The following MYLK3 variants were observed in gnomAD, a reference collection of about 807,000 sequenced individuals.
The protein encoded by MYLK3 is MLC kinase.
Under a neutral mutation model 76.3 loss-of-function variants are expected in MYLK3, and 55 were observed. That is an observed-to-expected ratio of 0.72 (90% confidence interval 0.58 to 0.90). The LOEUF (loss-of-function observed/expected upper bound fraction) is 0.90. Ranked by LOEUF, MYLK3 falls within the 40% of genes least tolerant of loss-of-function variation. The pLI is 0.00. For missense variants in MYLK3, 973 were observed against 1,053.6 expected, an observed-to-expected ratio of 0.92 and a Z score of 1.06; for synonymous variants, 416 against 425.4, an observed-to-expected ratio of 0.98 and a Z score of 0.27.
At chr16:46,736,512 C>G (rs548741044) in intron 3 of MYLK3, among the ~76,000 whole-genome samples, 1 of 152,322 alleles carries the variant, frequency 6.6e-6, no homozygotes, top group African/African-American at 2.4e-5. Flanking sequence ...CTGTCAGAAT[C>G]TTTTGAGGCC....
At chr16:46,748,376 C>T, upstream of MYLK3, 8 of 1,174,564 alleles carry the variant, frequency 6.8e-6, no homozygotes, top group Non-Finnish European at 9.2e-6. This position sits in a 1 kb window ranked among gnomAD's most constrained non-coding sequence, Gnocchi z 4.3. Flanking sequence ...TCTTCCTGTG[C>T]CTTTGCTTTG....
At chr16:46,730,912 C>A (rs570119970) in intron 4 of MYLK3, among the ~76,000 whole-genome samples, 1 of 152,360 alleles carries the variant, frequency 6.6e-6, no homozygotes, top group Non-Finnish European at 1.5e-5. Context: ...GGTCTCCCGG[C>A]ACCCAGGACA....
At chr16:46,738,487 T>C (rs558077474) in intron 2 of MYLK3, among the ~76,000 whole-genome samples, 4 of 152,232 alleles carry the variant, frequency 2.6e-5, no homozygotes, top group African/African-American at 9.6e-5. Context: ...TTGAGCACAG[T>C]AGATAGAGGC....
At chr16:46,756,341 G>A (rs1364345966) in intron 1 of MYLK3, among the ~76,000 whole-genome samples, 1 of 152,222 alleles carries the variant, frequency 6.6e-6, no homozygotes, top group Admixed American at 6.5e-5. Flanking sequence ...GGGTGAGGGA[G>A]GGAAAGTGGG....
chr16:46,732,089 G>T, intron 4 of MYLK3, 119 bp downstream of exon 4: 2 of 848,772 alleles, frequency 2.4e-6, no homozygotes, highest in Non-Finnish European at 3.5e-6. Context: ...CCCGACTCTT[G>T]GACGCCCCCA....
At chr16:46,713,597 A>C (rs752057250) in intron 9 of MYLK3, among the ~76,000 whole-genome samples, 11 of 152,354 alleles carry the variant, frequency 7.2e-5, no homozygotes, top group Non-Finnish European at 1.5e-4. Flanking sequence ...TGTGGTGAGA[A>C]CACTTAAAAT....
At chr16:46,719,923 A>C (rs1345064714) in intron 9 of MYLK3, among the ~76,000 whole-genome samples, 1 of 152,208 alleles carries the variant, frequency 6.6e-6, no homozygotes, top group Non-Finnish European at 1.5e-5. Flanking sequence ...CACGCCTGTA[A>C]TCCCAGTACT....
At chr16:46,755,413 G>A (rs1351897803) in intron 1 of MYLK3, among the ~76,000 whole-genome samples, 1 of 151,166 alleles carries the variant, frequency 6.6e-6, no homozygotes, top group Admixed American at 6.6e-5. Flanking sequence ...AGCCGAGATT[G>A]CGCCATTGCA....
At chr16:46,729,442 G>A (rs1966848201) in intron 6 of MYLK3, 152 bp downstream of exon 6, 2 of 737,906 alleles carry the variant, frequency 2.7e-6, no homozygotes, top group Non-Finnish European at 4.5e-6. Flanking sequence ...ACCCAGGGCT[G>A]TGAAGGGGAC....
intron 8 of MYLK3, among the ~76,000 whole-genome samples, chr16:46,724,834 G>T (rs1018846399): frequency 6.6e-6 from 1 of 152,174 alleles, no homozygotes; most frequent in Non-Finnish European, 1.5e-5. Flanking sequence ...AAAGAAGCCA[G>T]CTATGACTTT....
rs774762136 is a variant in MYLK3, at chr16:46,748,008, C to T, written c.186G>A (p.Arg62=). ...GGGAGGCCTCCAGCCTGTGCAGGCC[C>T]CGCTCCAGGTGGCCCATGTCTCGGC... The part of the protein sequence containing the change: ...SMCRDMGHLE[R]GLHRLEASRA... The change falls in exon 1 of 13, where the codon CGG becomes CGA. Residue 62 remains arginine (R), a synonymous_variant. Transcript: ENST00000394809. This position sits in a 1 kb window ranked among gnomAD's most constrained non-coding sequence, Gnocchi z 4.3. 3.1e-6 allele frequency: 5 copies of T among 1,613,832 alleles called. No individual in the cohort carries two copies. The highest frequency in any genetic ancestry group is 4.2e-6 in the Non-Finnish European group (5 of 1,180,030).
chr16:46,727,601 A>T (rs1406658606), intron 7 of MYLK3, among the ~76,000 whole-genome samples: 1 of 152,188 alleles, frequency 6.6e-6, no homozygotes, highest in Non-Finnish European at 1.5e-5. Context: ...ATCTCTGCTC[A>T]CTGCAACCTC....
rs370159 is a variant in MYLK3 at position 46,702,351 on chromosome 16, C to T, written c.*5353G>A. On this transcript the variant is annotated 3_prime_UTR_variant, in exon 13 of 13. Coordinates refer to ENST00000394809, the MANE Select transcript of MYLK3 (RefSeq NM_182493.3). ...TTTTTGTCATGAATGTTTTCAAATA[C>T]ATACAACAGTAAAGAGGACAGTATA... 0.79 allele frequency among the ~76,000 whole-genome samples: 120,657 copies of T among 151,926 alleles called. 48,754 individuals are homozygous for T. The highest frequency in any genetic ancestry group is 1 in the East Asian group (5,136 of 5,160).
In MYLK3 at chr16:46,727,471, G is replaced by A; in HGVS notation, c.1773-94C>T. 5 of 1,398,826 alleles carry A rather than the reference G, an allele frequency of 3.6e-6. No homozygotes were observed. The South Asian group carries it at 5.9e-5, about 17-fold the overall frequency. The allele number at this position is 1,398,826 out of a possible 1,614,324, so 86.7% of individuals were successfully genotyped here. A position where few individuals can be genotyped will look rare whatever the true frequency, so the allele number is the denominator to read the frequency against. The stretch of plus-strand genomic sequence containing the variant: ...ATAGGGCCAAAAGAGGCCAGCCCGG[G>A]TAGGCCCACCATCACACCCCATGGG... On this transcript the variant is annotated intron_variant, in intron 7 of 12. Coordinates refer to ENST00000394809, the MANE Select transcript of MYLK3 (RefSeq NM_182493.3).
exon 1 of MYLK3, chr16:46,763,183 T>A: frequency 1.0e-6 from 1 of 985,444 alleles, no homozygotes; most frequent in Non-Finnish European, 1.2e-6. Context: ...TCAACAGTTA[T>A]AACCCAAGAC....
At position 46,737,908 on chromosome 16, in the gene MYLK3, G is replaced by C; in HGVS notation, c.804C>G (p.Pro268=). The C allele has an allele frequency of 6.2e-7, 1 of 1,614,164 alleles. No individual in the cohort carries two copies. Residue 268 remains proline, a synonymous_variant, in exon 3 of 13, where the codon CCC becomes CCG. Coordinates refer to ENST00000394809, the MANE Select transcript of MYLK3 (RefSeq NM_182493.3). ...LRTGLELAPA[P]GRVNVVSPSL... is the part of the protein sequence containing the mutation. ...TCGGGGAGACCACATTGACCCTGCC[G>C]GGTGCTGGAGCCAATTCCAGGCCAG...
At chr16:46,721,295 G>T in intron 8 of MYLK3, 102 bp from the exon 9 acceptor site, 2 of 1,088,836 alleles carry the variant, frequency 1.8e-6, no homozygotes, top group Non-Finnish European at 2.8e-6. Flanking sequence ...CAAGGGACAT[G>T]AATGGCTCAG....
At chr16:46,732,699 T>G (rs1373510748) in intron 3 of MYLK3, 31 bp from the exon 4 acceptor site, 1 of 1,450,788 alleles carries the variant, frequency 6.9e-7, no homozygotes, top group Admixed American at 2.6e-5. Context: ...GTGCTGAGGT[T>G]AGAGGCAAGG....
At chr16:46,709,149 C>A (rs1966656518) in intron 12 of MYLK3, among the ~76,000 whole-genome samples, 1 of 152,148 alleles carries the variant, frequency 6.6e-6, no homozygotes, top group Admixed American at 6.5e-5. Context: ...AGGCTGGGTG[C>A]AGTGGCTCAT....
Sources: gnomAD v4.1 joint callset for allele counts (sites outside exome capture counted in the v4.1 genomes callset) on GRCh38, gnomAD v4.1.1 for gene constraint, Gnocchi (gnomAD v3.1) non-coding constraint, MANE v1.5 for transcripts, NCBI Gene and HGNC (gene_info 2026-07-23, HGNC 2026-07-21) for gene names.